Variants in CLDN10 observed in about 807,000 individuals in gnomAD.
CLDN10 encodes claudin 10.
CLDN10 carries 15 observed loss-of-function variants against 22.9 expected under a neutral mutation model. The observed-to-expected ratio is 0.65, with a 90% CI of 0.44 to 1.01. The LOEUF is 1.01. Among genes scored for constraint, CLDN10 ranks in the 50% least tolerant of loss-of-function variants. CLDN10 has a pLI of 0.00. For synonymous variants in CLDN10, 114 were observed against 111.4 expected (o/e 1.02, Z -0.15); for missense variants, 247 against 287.8 (o/e 0.86, Z 1.03).
intron 1 of CLDN10, among the ~76,000 whole-genome samples, chr13:95,536,308 G>C (rs1037124981): frequency 2.6e-5 from 4 of 151,966 alleles, no homozygotes; most frequent in African/African-American, 9.7e-5. Flanking sequence ...AAATTAGCTA[G>C]CATGGTGACA....
At chr13:95,446,881 A>G (rs2042385836) in intron 1 of CLDN10, among the ~76,000 whole-genome samples, 1 of 152,072 alleles carries the variant, frequency 6.6e-6, no homozygotes, top group African/African-American at 2.4e-5. Flanking sequence ...TAAGAAACAC[A>G]TAGCTCTCCA....
intron 1 of CLDN10, among the ~76,000 whole-genome samples, chr13:95,541,624 C>A (rs1022674581): frequency 1.3e-5 from 2 of 152,084 alleles, no homozygotes; most frequent in African/African-American, 4.8e-5. Flanking sequence ...CTAGGCAGAG[C>A]TTTTGAGACT....
chr13:95,553,406 T>C (rs1469814682), intron 1 of CLDN10, among the ~76,000 whole-genome samples: 1 of 152,024 alleles, frequency 6.6e-6, no homozygotes, highest in Non-Finnish European at 1.5e-5. Context: ...ATAAAAATGG[T>C]GTCATTGCAA....
chr13:95,439,492 C>T (rs1342704062), intron 1 of CLDN10, among the ~76,000 whole-genome samples: 1 of 151,996 alleles, frequency 6.6e-6, no homozygotes, highest in Non-Finnish European at 1.5e-5. Context: ...CACCAGCACA[C>T]CCAGCTAATT....
chr13:95,475,410 A>G (rs2042676377), intron 1 of CLDN10, among the ~76,000 whole-genome samples: 1 of 152,138 alleles, frequency 6.6e-6, no homozygotes, highest in Non-Finnish European at 1.5e-5. Flanking sequence ...TAAGTTCAAG[A>G]GAGGGGAGAT....
At chr13:95,465,035 A>T (rs1281248195) in intron 1 of CLDN10, among the ~76,000 whole-genome samples, 1 of 152,160 alleles carries the variant, frequency 6.6e-6, no homozygotes, top group Non-Finnish European at 1.5e-5. Context: ...CACTGCTGAT[A>T]AAGGCATACC....
At chr13:95,484,452 A>AG (rs2042780609) in intron 1 of CLDN10, among the ~76,000 whole-genome samples, 1 of 152,202 alleles carries the variant, frequency 6.6e-6, no homozygotes, top group African/African-American at 2.4e-5. Flanking sequence ...AATATTTCAT[A>AG]GTCTGTCATT....
At chr13:95,458,593 A>G (rs966296932) in intron 1 of CLDN10, among the ~76,000 whole-genome samples, 2 of 152,136 alleles carry the variant, frequency 1.3e-5, no homozygotes, top group African/African-American at 4.8e-5. Flanking sequence ...AAAACTCACT[A>G]TTACCAGAAG....
intron 1 of CLDN10, among the ~76,000 whole-genome samples, chr13:95,523,040 C>T (rs1300357660): frequency 6.6e-6 from 1 of 151,882 alleles, no homozygotes; most frequent in African/African-American, 2.4e-5. Context: ...AGTTCATTTA[C>T]ATCTAATATA....
chr13:95,446,206 G>C (rs1175744312), intron 1 of CLDN10, among the ~76,000 whole-genome samples: 1 of 152,178 alleles, frequency 6.6e-6, no homozygotes, highest in Non-Finnish European at 1.5e-5. Flanking sequence ...GGTCGAGGGG[G>C]TTCTGCTAAG....
intron 3 of CLDN10, among the ~76,000 whole-genome samples, chr13:95,568,869 CTG>C (rs1174896829): frequency 6.6e-6 from 1 of 152,120 alleles, no homozygotes; most frequent in African/African-American, 2.4e-5. Flanking sequence ...GCATGGCACA[CTG>C]TTCAAGAATA....
intron 1 of CLDN10, among the ~76,000 whole-genome samples, chr13:95,503,335 G>A (rs370290657): frequency 6.6e-6 from 1 of 152,062 alleles, no homozygotes; most frequent in South Asian, 2.1e-4. Flanking sequence ...AATATTGAGG[G>A]TTAAAAAGTA....
At chr13:95,477,998 C>T (rs1013661792) in intron 1 of CLDN10, among the ~76,000 whole-genome samples, 7 of 152,156 alleles carry the variant, frequency 4.6e-5, no homozygotes, top group Admixed American at 2.0e-4. Flanking sequence ...ATTGGAATCA[C>T]CTGTTGTGTT....
chr13:95,472,268 A>G (rs1289836500), intron 1 of CLDN10, among the ~76,000 whole-genome samples: 1 of 152,162 alleles, frequency 6.6e-6, no homozygotes, highest in East Asian at 1.9e-4. Context: ...AGCTCATAAA[A>G]TGAGGTTCTT....
intron 1 of CLDN10, among the ~76,000 whole-genome samples, chr13:95,436,836 G>C (rs1594517080): frequency 6.6e-6 from 1 of 152,268 alleles, no homozygotes; most frequent in East Asian, 1.9e-4. Context: ...AATCAGGAAA[G>C]CTATCTATGC....
upstream of CLDN10, among the ~76,000 whole-genome samples, chr13:95,548,691 C>T (rs1234125592): frequency 1.3e-5 from 2 of 152,084 alleles, no homozygotes; most frequent in East Asian, 1.9e-4. Flanking sequence ...ATCTTGGTAC[C>T]GGCATTAATG....
intron 1 of CLDN10, among the ~76,000 whole-genome samples, chr13:95,472,421 TCTGTAATTCCAGCA>T (rs1461358404): frequency 6.6e-6 from 1 of 152,044 alleles, no homozygotes; most frequent in East Asian, 1.9e-4. Context: ...GTGGCTCACA[TCTGTAATTCCAGCA>T]CTTTGGGAGG....
At position 95,528,175 on chromosome 13, in the gene CLDN10, C is replaced by T. The variant is rs575304513; in HGVS notation, c.215-31957C>T. 3.5e-3 allele frequency among the ~76,000 whole-genome samples: 531 copies of T among 152,258 alleles called. 5 individuals carry two copies. The highest frequency in any genetic ancestry group is 3.0e-3 in the Non-Finnish European group (207 of 68,038). ...ATCTTGAATTTTGGCTCCCATAATGCCCACGTGTTGTGGGAGGGACACAGT... is the reference window on the plus strand; with the variant it reads ...ATCTTGAATTTTGGCTCCCATAATGTCCACGTGTTGTGGGAGGGACACAGT... On this transcript the variant is annotated intron_variant, in intron 1 of 4. Coordinates refer to the CLDN10 transcript ENST00000376873.
chr13:95,552,927 G>A lies in CLDN10; in HGVS notation c.174G>A (p.Thr58=). The A allele has an allele frequency of 6.2e-7, 1 of 1,614,068 alleles. No individual in the cohort carries two copies. The highest frequency in any genetic ancestry group is 8.5e-7 in the Non-Finnish European group (1 of 1,179,996). Residue 58 remains threonine (T), a synonymous_variant, in exon 1 of 5, where the codon ACG becomes ACA. Coordinates refer to ENST00000299339, the MANE Select transcript of CLDN10 (RefSeq NM_006984.5). ...NLWKACVTDS[T]GVSNCKDFPS... ...GGAAGGCGTGCGTTACCGACTCCAC[G>A]GGCGTCTCCAACTGCAAGGACTTCC...
Sources: gnomAD v4.1 joint callset for allele counts (sites outside exome capture counted in the v4.1 genomes callset) on GRCh38, gnomAD v4.1.1 for gene constraint, MANE v1.5 for transcripts, NCBI Gene and HGNC (gene_info 2026-07-23, HGNC 2026-07-21) for gene names.